Variants in MYEF2 observed in about 807,000 individuals in gnomAD.
MYEF2 encodes myelin expression factor 2.
MYEF2 carries 37 observed loss-of-function variants against 75.2 expected under a neutral mutation model. The observed-to-expected ratio is 0.49, with a 90% CI of 0.38 to 0.65. The LOEUF (loss-of-function observed/expected upper bound fraction) is 0.65, where lower values mean the gene tolerates loss of function less well. MYEF2 is among the 30% of genes least tolerant of loss of function. The pLI is 0.00. For synonymous variants in MYEF2, 195 were observed against 241.6 expected, an observed-to-expected ratio of 0.81 and a Z score of 1.79; for missense variants, 634 against 771.4, an observed-to-expected ratio of 0.82 and a Z score of 2.11.
In MYEF2 at chr15:48,134,744, A is replaced by G. The variant is rs904191326; in HGVS notation, c.*8164T>C. 6.4e-6 allele frequency: 5 copies of G among 784,554 alleles called. No homozygotes were observed. Among genetic ancestry groups the G allele is most frequent in the Non-Finnish European group, 2.0e-6 (1 of 500,574 alleles). The allele number at this position is 784,554 out of a possible 1,614,324, so 48.6% of individuals were successfully genotyped here. A position where few individuals can be genotyped will look rare whatever the true frequency, so the allele number is the denominator to read the frequency against. On this transcript the variant is annotated 3_prime_UTR_variant, in exon 17 of 17. Transcript: ENST00000324324. ...GAAAGTCTGTGTAAGTTAGAACACA[A>G]TTTTACATTTTTTTCTCTAAGCAAT...
rs578254111 is a variant in MYEF2 at position 48,141,437 on chromosome 15, C to T, written c.*1471G>A. On this transcript the variant is annotated 3_prime_UTR_variant, in exon 17 of 17. Coordinates refer to ENST00000324324, the MANE Select transcript of MYEF2 (RefSeq NM_016132.5). ...ACTAAAAATACAAAAATTAGCCGGGCGTGGTGGCATGTGCCTGTAATCCCA... is the reference window on the plus strand; with the variant it reads ...ACTAAAAATACAAAAATTAGCCGGGTGTGGTGGCATGTGCCTGTAATCCCA... The T allele has an allele frequency of 1.4e-4, 44 of 325,268 alleles. 1 individual carries two copies. The highest frequency in any genetic ancestry group is 6.5e-4 in the South Asian group (20 of 30,748). The allele number at this position is 325,268 out of a possible 1,614,324, so 20.1% of individuals were successfully genotyped here.
chr15:48,149,201 T>C lies in MYEF2; in HGVS notation c.1549A>G (p.Arg517Gly). The C allele has an allele frequency of 6.2e-7, 1 of 1,613,436 alleles. No individual in the cohort carries two copies. Among genetic ancestry groups the C allele is most frequent in the Non-Finnish European group, 8.5e-7 (1 of 1,179,470 alleles). Residue 517 changes from arginine to glycine, a missense_variant, in exon 15 of 17, where the codon AGA becomes GGA. Coordinates refer to ENST00000324324, the MANE Select transcript of MYEF2 (RefSeq NM_016132.5). This position sits in a 1 kb window ranked among gnomAD's most constrained non-coding sequence, Gnocchi z 4.0. The stretch of plus-strand genomic sequence containing the variant: ...ATCTGGTTGCCTTTGGAGCCTATTC[T>C]CTCTCTCATTCCGCTTCCCATTGGA... Reference protein sequence around the residue: ...SGPMGSGMRERIGSKGNQIFV... With the variant: ...SGPMGSGMREGIGSKGNQIFV...
intron 5 of MYEF2, chr15:48,162,888 G>A (rs1284176312): frequency 2.0e-5 from 3 of 152,126 alleles, no homozygotes; most frequent in East Asian, 1.9e-4. Flanking sequence ...GTCGCCTCAG[G>A]CCTCCCTATT....
rs1233763866 is a variant in MYEF2 at position 48,139,852 on chromosome 15, C to T, written c.*3056G>A. ...TACAGCAGAGGTGAACAAACTACTG[C>T]CTGTGTGCCAACATAACCCAGCTTG... On this transcript the variant is annotated 3_prime_UTR_variant, in exon 17 of 17. Coordinates refer to ENST00000324324, the MANE Select transcript of MYEF2 (RefSeq NM_016132.5). The T allele has an allele frequency of 1.3e-5, 2 of 152,060 alleles. No homozygotes were observed. The highest frequency in any genetic ancestry group is 3.9e-4 in the East Asian group (2 of 5,194). The allele number at this position is 152,060 out of a possible 1,614,324, so 9.4% of individuals were successfully genotyped here. A position where few individuals can be genotyped will look rare whatever the true frequency, so the allele number is the denominator to read the frequency against.
In MYEF2 at chr15:48,168,894, T is replaced by C; in HGVS notation, c.162-55A>G. 25 of 1,323,004 alleles carry C rather than the reference T, an allele frequency of 1.9e-5. No individual in the cohort carries two copies. The South Asian group carries it at 3.3e-4, about 17-fold the overall frequency. The allele number at this position is 1,323,004 out of a possible 1,614,324, so 82.0% of individuals were successfully genotyped here. A position where few individuals can be genotyped will look rare whatever the true frequency, so the allele number is the denominator to read the frequency against. On this transcript the variant is annotated intron_variant, in intron 1 of 16. Transcript: ENST00000324324. ...AAACCCTCAGTTGTGCTTATAAGAA[T>C]GGAAGTCTATATTAAATAAGTATTC...
intron 1 of MYEF2, 42 bp downstream of exon 1, chr15:48,178,035 C>T (rs1202875220): frequency 1.3e-6 from 2 of 1,560,738 alleles, no homozygotes. Context: ...GTAGACTCCC[C>T]GCCCCCCACC....
At position 48,137,045 on chromosome 15, in the gene MYEF2, T is replaced by C. The variant is rs2038919155; in HGVS notation, c.*5863A>G. ...TTTCATTTCAATTCAGCAAGTATTG[T>C]GTGCTTTTTATGTAAAAAAGACTGT... is the stretch of plus-strand genomic sequence containing the variant. On this transcript the variant is annotated 3_prime_UTR_variant, in exon 17 of 17. Coordinates refer to ENST00000324324, the MANE Select transcript of MYEF2 (RefSeq NM_016132.5). The C allele has an allele frequency of 7.0e-7, 1 of 1,428,070 alleles. No individual in the cohort carries two copies. Among genetic ancestry groups the C allele is most frequent in the Non-Finnish European group, 9.4e-7 (1 of 1,064,854 alleles). The allele number at this position is 1,428,070 out of a possible 1,614,324, so 88.5% of individuals were successfully genotyped here.
chr15:48,137,094 C>A lies in MYEF2; in HGVS notation c.*5814G>T. 2.1e-6 allele frequency: 2 copies of A among 944,254 alleles called. No individual in the cohort carries two copies. The highest frequency in any genetic ancestry group is 3.1e-6 in the Non-Finnish European group (2 of 648,390). The allele number at this position is 944,254 out of a possible 1,614,324, so 58.5% of individuals were successfully genotyped here. On this transcript the variant is annotated 3_prime_UTR_variant, in exon 17 of 17. Coordinates refer to ENST00000324324, the MANE Select transcript of MYEF2 (RefSeq NM_016132.5). ...GTGAAGACTCAGAAATGATAAAGAC[C>A]AAGTCCCTACCTTTAAGGAACTTCC...
Position 48,151,866 on chromosome 15 carries a change from T to G in MYEF2, c.1207+8A>C, listed in dbSNP as rs1388700259. 1 of 1,612,928 alleles carries G rather than the reference T, an allele frequency of 6.2e-7. No individual in the cohort carries two copies. Among genetic ancestry groups the G allele is most frequent in the Admixed American group, 1.7e-5 (1 of 59,920 alleles). On this transcript the variant is annotated splice_region_variant and intron_variant, in intron 12 of 16. Transcript: ENST00000324324. ...TGCACACACTTCCCACTGCATACAT[T>G]TACCTACCTCCCATTCGGCCAACTC...
In MYEF2 at chr15:48,149,391, C is replaced by T. The variant is rs374092273; in HGVS notation, c.1379-20G>A. 46 of 1,606,094 alleles carry T rather than the reference C, an allele frequency of 2.9e-5. No homozygotes were observed. Among genetic ancestry groups the T allele is most frequent in the Middle Eastern group, 1.7e-4 (1 of 6,052 alleles). ...CACCACCTGGATTTTCAAGAAAGGA[C>T]GGGGGGATTTGGGAATTTTGTGTTT... On this transcript the variant is annotated intron_variant, in intron 14 of 16. Transcript: ENST00000324324. This position sits in a 1 kb window ranked among gnomAD's most constrained non-coding sequence, Gnocchi z 4.0.
intron 1 of MYEF2, among the ~76,000 whole-genome samples, chr15:48,170,391 G>T (rs1160901131): frequency 1.3e-5 from 2 of 152,124 alleles, no homozygotes; most frequent in Non-Finnish European, 2.9e-5. Flanking sequence ...CTCCCAAAGT[G>T]CTGGGATTAC....
intron 1 of MYEF2, among the ~76,000 whole-genome samples, 189 bp downstream of exon 1, chr15:48,177,888 A>G (rs970647207): frequency 6.6e-6 from 1 of 152,136 alleles, no homozygotes; most frequent in African/African-American, 2.4e-5. Context: ...ACAGGCGGCC[A>G]GGCCTGGGGC....
rs2038908633 is a variant in MYEF2, at chr15:48,136,709, T to C, written c.*6199A>G. 2.5e-6 allele frequency: 4 copies of C among 1,612,094 alleles called. No homozygotes were observed. Among genetic ancestry groups the C allele is most frequent in the Admixed American group, 1.7e-5 (1 of 59,904 alleles). Reference sequence around the variant, plus strand: ...TATGAAGGGGCTTTACTGCTTTTGATATATGGATTGTATGTTTTGGTGCTG... The same window carrying C: ...TATGAAGGGGCTTTACTGCTTTTGACATATGGATTGTATGTTTTGGTGCTG... On this transcript the variant is annotated 3_prime_UTR_variant, in exon 17 of 17. Coordinates refer to ENST00000324324, the MANE Select transcript of MYEF2 (RefSeq NM_016132.5).
Position 48,178,029 on chromosome 15 carries a change from A to G in MYEF2, c.161+48T>C, listed in dbSNP as rs1264676129. The G allele has an allele frequency of 5.2e-6, 8 of 1,551,894 alleles. 1 individual carries two copies. Among genetic ancestry groups the G allele is most frequent in the Middle Eastern group, 3.6e-4 (2 of 5,532 alleles). ...AGCCCGGCCTCTAGCCGCCCGGTAG[A>G]CTCCCCGCCCCCCACCTCGCCCCGG... On this transcript the variant is annotated intron_variant, in intron 1 of 16. Coordinates refer to ENST00000324324, the MANE Select transcript of MYEF2 (RefSeq NM_016132.5).
intron 5 of MYEF2, among the ~76,000 whole-genome samples, chr15:48,164,777 G>A (rs1385216134): frequency 1.3e-5 from 2 of 152,144 alleles, no homozygotes; most frequent in South Asian, 2.1e-4. Context: ...TACAGTGAAA[G>A]TTCAAATGAT....
intron 12 of MYEF2, 115 bp downstream of exon 12, chr15:48,151,759 G>T: frequency 7.9e-7 from 1 of 1,263,988 alleles, no homozygotes. Flanking sequence ...ATCCCCTAGT[G>T]CCTATATGCC....
intron 5 of MYEF2, among the ~76,000 whole-genome samples, chr15:48,164,792 A>G (rs1597341508): frequency 6.6e-6 from 1 of 152,350 alleles, no homozygotes; most frequent in Admixed American, 6.5e-5. Flanking sequence ...AATGATCACT[A>G]GCATTTTCAG....
Position 48,158,243 on chromosome 15 carries a change from A to C in MYEF2, c.872-19T>G. The C allele has an allele frequency of 6.2e-7, 1 of 1,610,942 alleles. No homozygotes were observed. The highest frequency in any genetic ancestry group is 8.5e-7 in the Non-Finnish European group (1 of 1,177,964). On this transcript the variant is annotated intron_variant, in intron 7 of 16. Coordinates refer to ENST00000324324, the MANE Select transcript of MYEF2 (RefSeq NM_016132.5). ...AACATAGCTGTTGGTTCAGTCAAGG[A>C]AAGTCAGTTAAGATAACTATAAAAT... is the stretch of plus-strand genomic sequence containing the variant.
In MYEF2 at chr15:48,141,979, AAAACAC is replaced by A; in HGVS notation, c.*923_*928del. On this transcript the variant is annotated 3_prime_UTR_variant, in exon 17 of 17. Transcript: ENST00000324324. ...TTCTTTTCTTATGAAGATTATTAAT[AAAACAC>A]AGTATTGGTAAGCACATTTTAACAG... 3.8e-6 allele frequency: 5 copies of A among 1,299,306 alleles called. No homozygotes were observed. Among genetic ancestry groups the A allele is most frequent in the Non-Finnish European group, 5.2e-6 (5 of 956,902 alleles). 80.5% of individuals were successfully genotyped at this position (1,299,306 alleles called of 1,614,324 possible).
Sources: allele counts gnomAD v4.1 joint callset (sites outside exome capture counted in the v4.1 genomes callset), GRCh38; gene constraint gnomAD v4.1.1; non-coding constraint Gnocchi (gnomAD v3.1); transcripts MANE v1.5; gene names NCBI Gene and HGNC (gene_info 2026-07-23, HGNC 2026-07-21).